The following CDH18 variants were observed in gnomAD, a reference collection of about 807,000 sequenced individuals.
The protein encoded by CDH18 is cadherin-18.
A neutral mutation model predicts 67.9 loss-of-function variants in CDH18; 31 were observed. The observed-to-expected ratio is 0.46, with a 90% CI of 0.34 to 0.62. CDH18 has a LOEUF of 0.62. Among genes scored for constraint, CDH18 ranks in the 20% least tolerant of loss-of-function variants. The pLI, the probability that CDH18 is intolerant of heterozygous loss-of-function variation, is 0.01. For missense variants in CDH18, 890 were observed against 975.5 expected (o/e 0.91, Z 1.17); for synonymous variants, 362 against 347.2 (o/e 1.04, Z -0.48).
At chr5:20,040,863 T>G (rs1740357503) in intron 2 of CDH18, among the ~76,000 whole-genome samples, 1 of 152,160 alleles carries the variant, frequency 6.6e-6, no homozygotes, top group Non-Finnish European at 1.5e-5. Context: ...CTAATGATCC[T>G]CAAACTATGA....
intron 5 of CDH18, among the ~76,000 whole-genome samples, chr5:19,648,204 C>T (rs573111064): frequency 8.0e-5 from 12 of 150,412 alleles, no homozygotes; most frequent in African/African-American, 2.7e-4. Flanking sequence ...CACTTTAGGT[C>T]GGTAGTTCGA....
In CDH18 at chr5:20,511,907, T is replaced by G. The variant is rs148522034; in HGVS notation, c.-580+63555A>C. Among the ~76,000 whole-genome samples, 617 of 152,258 alleles carry G rather than the reference T, an allele frequency of 4.1e-3. 6 individuals carry two copies. Among genetic ancestry groups the G allele is most frequent in the Non-Finnish European group, 4.9e-3 (334 of 68,032 alleles). ...TAAGCAGGTGAAGGTATTTTCTTAT[T>G]TCTTGAGTTAATTAACAATTTTTAT... is the stretch of plus-strand genomic sequence containing the variant. On this transcript the variant is annotated intron_variant, in intron 1 of 14. Coordinates refer to the CDH18 transcript ENST00000507958.
At chr5:19,998,020 G>T (rs1736149873) in intron 2 of CDH18, among the ~76,000 whole-genome samples, 1 of 152,170 alleles carries the variant, frequency 6.6e-6, no homozygotes, top group African/African-American at 2.4e-5. Context: ...ACATGAAATG[G>T]AAAATCAGGG....
chr5:19,712,654 TATAC>T (rs3062942), intron 5 of CDH18, among the ~76,000 whole-genome samples: 49,850 of 98,988 alleles, frequency 0.5, 8,579 homozygotes, highest in Middle Eastern at 0.53. Flanking sequence ...TATATATATA[TATAC>T]ACACACACAC....
intron 9 of CDH18, among the ~76,000 whole-genome samples, chr5:19,524,777 G>A (rs1489900670): frequency 6.6e-6 from 1 of 151,838 alleles, no homozygotes; most frequent in African/African-American, 2.4e-5. Context: ...ATGGAGTCTC[G>A]CTCTGTCGCC....
At chr5:19,685,960 G>C (rs529561001) in intron 5 of CDH18, among the ~76,000 whole-genome samples, 1 of 152,158 alleles carries the variant, frequency 6.6e-6, no homozygotes, top group Non-Finnish European at 1.5e-5. Flanking sequence ...AAAGGAGAAT[G>C]GGAAATTTTA....
intron 9 of CDH18, among the ~76,000 whole-genome samples, chr5:19,525,853 A>T (rs1270438862): frequency 6.6e-6 from 1 of 152,206 alleles, no homozygotes; most frequent in African/African-American, 2.4e-5. Context: ...TGGGATTTAC[A>T]AGCATTTTGC....
chr5:19,785,679 AATATATATATATATATATATAT>A (rs869169879), intron 3 of CDH18, among the ~76,000 whole-genome samples: 4 of 28,154 alleles, frequency 1.4e-4, no homozygotes, highest in East Asian at 1.3e-3. Context: ...AAAAAAAAAA[AATATATATATATATATATATAT>A]ATATATATAT....
rs1198658989 is a variant in CDH18 at position 20,501,588 on chromosome 5, TA to T, written c.-580+73873del. Among the ~76,000 whole-genome samples the T allele has an allele frequency of 8.4e-3, 113 of 13,410 alleles. 4 individuals are homozygous for T. Among genetic ancestry groups the T allele is most frequent in the African/African-American group, 0.018 (95 of 5,234 alleles). 8.8% of individuals were successfully genotyped at this position (13,410 alleles called of 152,430 possible). On this transcript the variant is annotated intron_variant, in intron 1 of 14. Transcript: ENST00000507958. ...ATATATAATATATATATATTATATA[TA>T]TATATTATATATATATATATATATA...
chr5:19,724,617 T>C (rs1361187217), intron 4 of CDH18, among the ~76,000 whole-genome samples: 1 of 152,216 alleles, frequency 6.6e-6, no homozygotes, highest in African/African-American at 2.4e-5. Context: ...GGTTATGATA[T>C]TGCTTTATGG....
intron 5 of CDH18, among the ~76,000 whole-genome samples, chr5:19,630,383 T>C (rs1488152364): frequency 6.6e-6 from 1 of 152,236 alleles, no homozygotes; most frequent in African/African-American, 2.4e-5. Flanking sequence ...ATCTGATATA[T>C]AAAACATTTG....
intron 6 of CDH18, among the ~76,000 whole-genome samples, chr5:19,599,558 C>T (rs1746717584): frequency 6.6e-6 from 1 of 151,962 alleles, no homozygotes; most frequent in Non-Finnish European, 1.5e-5. Context: ...TAGTCATCAG[C>T]TCTGTGACGA....
chr5:20,473,283 C>T (rs900012016), intron 1 of CDH18, among the ~76,000 whole-genome samples: 3 of 152,098 alleles, frequency 2.0e-5, no homozygotes, highest in Non-Finnish European at 1.5e-5. Flanking sequence ...TGCTCAGTAA[C>T]TCAAACTGTT....
At chr5:19,688,979 C>T (rs1761490103) in intron 5 of CDH18, among the ~76,000 whole-genome samples, 1 of 151,864 alleles carries the variant, frequency 6.6e-6, no homozygotes, top group African/African-American at 2.4e-5. Context: ...TTTGAAATAA[C>T]CCAGTCAGAT....
intron 1 of CDH18, among the ~76,000 whole-genome samples, chr5:20,572,963 C>T (rs73053469): frequency 0.012 from 1,864 of 152,212 alleles, 38 homozygotes; most frequent in African/African-American, 0.043. Flanking sequence ...GCACACTTGT[C>T]TTCCTCAATT....
intron 2 of CDH18, among the ~76,000 whole-genome samples, chr5:20,143,235 A>T (rs1750383769): frequency 6.6e-6 from 1 of 152,180 alleles, no homozygotes; most frequent in Non-Finnish European, 1.5e-5. Context: ...CAATGGAAAT[A>T]AGGAATATAT....
intron 5 of CDH18, among the ~76,000 whole-genome samples, chr5:19,628,499 TGTG>T (rs1751897699): frequency 1.3e-5 from 2 of 152,210 alleles, no homozygotes; most frequent in Admixed American, 6.5e-5. Flanking sequence ...AGTGAGGAGA[TGTG>T]GTGAAGTCCT....
At position 19,521,759 on chromosome 5, in the gene CDH18, GAAAAT is replaced by G. The variant is rs575641222; in HGVS notation, c.1391-986_1391-982del. Among the ~76,000 whole-genome samples, 293 of 151,914 alleles carry G rather than the reference GAAAAT, an allele frequency of 1.9e-3. 1 individual carries two copies. Among genetic ancestry groups the G allele is most frequent in the Middle Eastern group, 6.9e-3 (2 of 290 alleles). ...GTAGTGCTGTATTAAAGTAACTAGA[GAAAAT>G]AAATTTTTCAGTAAAAAGTTAATTT... On this transcript the variant is annotated intron_variant, in intron 9 of 12. Coordinates refer to ENST00000382275, the MANE Select transcript of CDH18 (RefSeq NM_004934.5).
chr5:19,564,287 A>G (rs1449838574), intron 8 of CDH18, among the ~76,000 whole-genome samples: 1 of 152,208 alleles, frequency 6.6e-6, no homozygotes, highest in African/African-American at 2.4e-5. Flanking sequence ...CCCCAACCGC[A>G]GGCAGTGCAG....
Sources: gnomAD v4.1 joint callset for allele counts (sites outside exome capture counted in the v4.1 genomes callset) on GRCh38, gnomAD v4.1.1 for gene constraint, MANE v1.5 for transcripts, NCBI Gene and HGNC (gene_info 2026-07-23, HGNC 2026-07-21) for gene names.